Variants in TTC27 observed in about 807,000 individuals in gnomAD.
TTC27 encodes tetratricopeptide repeat domain 27.
A neutral mutation model predicts 115.9 loss-of-function variants in TTC27; 79 were observed. That is an observed-to-expected ratio of 0.68 (90% CI 0.57 to 0.82). The LOEUF (loss-of-function observed/expected upper bound fraction) is 0.82. TTC27 is among the 40% of genes least tolerant of loss of function. TTC27 has a pLI of 0.00. For missense variants in TTC27, 1,054 were observed against 993.1 expected, an observed-to-expected ratio of 1.06 and a Z score of -0.82; for synonymous variants, 401 against 356.0, an observed-to-expected ratio of 1.13 and a Z score of -1.42.
intron 10 of TTC27, among the ~76,000 whole-genome samples, chr2:32,708,181 C>T (rs1331958643): frequency 6.6e-6 from 1 of 151,954 alleles, no homozygotes; most frequent in Non-Finnish European, 1.5e-5. Flanking sequence ...TGCTTCTCCT[C>T]CTCAGCCTAC....
intron 13 of TTC27, among the ~76,000 whole-genome samples, chr2:32,771,874 C>T (rs113117598): frequency 2.0e-5 from 3 of 152,246 alleles, no homozygotes; most frequent in African/African-American, 7.2e-5. Flanking sequence ...GGCAGGGGTA[C>T]AGAAAGAGTG....
At chr2:32,701,263 T>C (rs1468495488) in intron 9 of TTC27, among the ~76,000 whole-genome samples, 1 of 152,242 alleles carries the variant, frequency 6.6e-6, no homozygotes, top group Non-Finnish European at 1.5e-5. Context: ...CATGTATTCT[T>C]GATGTACTCC....
intron 13 of TTC27, among the ~76,000 whole-genome samples, chr2:32,761,517 G>A (rs1019611275): frequency 3.3e-5 from 5 of 151,840 alleles, no homozygotes; most frequent in South Asian, 2.1e-4. Flanking sequence ...TCTAGCTCCC[G>A]GCACTTCTTC....
intron 9 of TTC27, among the ~76,000 whole-genome samples, chr2:32,695,676 G>A (rs887479290): frequency 4.4e-5 from 6 of 137,876 alleles, no homozygotes; most frequent in Admixed American, 1.6e-4. Context: ...CTGAGATCGC[G>A]CCACCACACT....
chr2:32,729,414 G>A (rs1021375830), intron 10 of TTC27, among the ~76,000 whole-genome samples: 15 of 152,112 alleles, frequency 9.9e-5, no homozygotes, highest in African/African-American at 3.4e-4. Flanking sequence ...GCTTTCTTGG[G>A]TTTTATTCCC....
At chr2:32,737,245 C>A (rs4141652) in intron 12 of TTC27, among the ~76,000 whole-genome samples, 1 of 151,980 alleles carries the variant, frequency 6.6e-6, no homozygotes, top group African/African-American at 2.4e-5. Context: ...GAAGAGTTGT[C>A]AAGTGTGTAA....
intron 13 of TTC27, among the ~76,000 whole-genome samples, chr2:32,764,055 C>A (rs985726564): frequency 2.0e-5 from 3 of 152,168 alleles, no homozygotes; most frequent in Non-Finnish European, 2.9e-5. Context: ...GTACGTTTAG[C>A]ACTGAAAAAG....
intron 7 of TTC27, among the ~76,000 whole-genome samples, chr2:32,670,482 T>G (rs758899141): frequency 3.9e-5 from 6 of 152,192 alleles, no homozygotes; most frequent in Admixed American, 2.0e-4. Flanking sequence ...GCTTAATGGT[T>G]TCAAGATTCA....
chr2:32,664,838 T>TC (rs1665708026), intron 6 of TTC27, among the ~76,000 whole-genome samples: 1 of 150,052 alleles, frequency 6.7e-6, no homozygotes, highest in Admixed American at 6.6e-5. Flanking sequence ...CATCTTGCTT[T>TC]TTTTTTTTTT....
chr2:32,686,863 G>T (rs1291961676), intron 9 of TTC27, among the ~76,000 whole-genome samples: 3 of 152,074 alleles, frequency 2.0e-5, no homozygotes. Context: ...GTGTGTGTGT[G>T]AGATGGAGTC....
At chr2:32,820,147 C>G (rs1013111422) in intron 19 of TTC27, among the ~76,000 whole-genome samples, 1 of 152,196 alleles carries the variant, frequency 6.6e-6, no homozygotes, top group East Asian at 1.9e-4. Flanking sequence ...CATGTACACA[C>G]GTGCACATGT....
chr2:32,678,595 T>G (rs1396246331), intron 8 of TTC27, among the ~76,000 whole-genome samples: 1 of 151,866 alleles, frequency 6.6e-6, no homozygotes, highest in Non-Finnish European at 1.5e-5. Context: ...GGCAGGCTAA[T>G]TTTTTGTATT....
intron 12 of TTC27, among the ~76,000 whole-genome samples, chr2:32,753,766 A>G (rs1337234740): frequency 1.3e-5 from 2 of 152,176 alleles, no homozygotes; most frequent in East Asian, 3.9e-4. Flanking sequence ...TAACATTCAC[A>G]TAGAACTAGT....
chr2:32,805,468 G>T (rs1039640305), intron 16 of TTC27, among the ~76,000 whole-genome samples: 1 of 152,138 alleles, frequency 6.6e-6, no homozygotes, highest in African/African-American at 2.4e-5. Flanking sequence ...TGTAAAGTAG[G>T]GGTAATAAAG....
chr2:32,672,576 A>G (rs1170449665), intron 8 of TTC27, among the ~76,000 whole-genome samples, 192 bp downstream of exon 8: 1 of 152,250 alleles, frequency 6.6e-6, no homozygotes, highest in Non-Finnish European at 1.5e-5. Context: ...ATGAGTTGAT[A>G]TATCTATTCT....
chr2:32,797,766 C>A (rs1400010771), intron 16 of TTC27, among the ~76,000 whole-genome samples: 1 of 152,142 alleles, frequency 6.6e-6, no homozygotes, highest in African/African-American at 2.4e-5. Context: ...ACAAATTGGA[C>A]TTTGTGAAAA....
Position 32,817,539 on chromosome 2 carries a change from C to T in TTC27, c.2391C>T (p.Gly797=). Residue 797 remains glycine (G), a synonymous_variant, in exon 19 of 20, where the codon GGC becomes GGT. Coordinates refer to ENST00000317907, the MANE Select transcript of TTC27 (RefSeq NM_017735.5). ...CTTCTGTTCGACTCAATTTACGGGG[C>T]TTGTTATCTAAAGCAAAGGTGAGAG... The part of the protein sequence containing the change: ...MLSSVRLNLR[G]LLSKAKQLFT... 1 of 1,613,780 alleles carries T rather than the reference C, an allele frequency of 6.2e-7. No individual in the cohort carries two copies. Among genetic ancestry groups the T allele is most frequent in the Non-Finnish European group, 8.5e-7 (1 of 1,179,784 alleles).
chr2:32,702,686 G>C (rs1251757814), intron 9 of TTC27, 121 bp from the exon 10 acceptor site: 1 of 644,130 alleles, frequency 1.6e-6, no homozygotes, highest in African/African-American at 1.9e-5. Context: ...TAACTGGGAA[G>C]ATTTTCAAAT....
intron 12 of TTC27, among the ~76,000 whole-genome samples, chr2:32,749,690 C>G (rs760847836): frequency 3.9e-5 from 6 of 152,282 alleles, no homozygotes; most frequent in Non-Finnish European, 5.9e-5. Context: ...GAATCAAGTT[C>G]CTGCTTTTTA....
Sources: gnomAD v4.1 joint callset for allele counts (sites outside exome capture counted in the v4.1 genomes callset) on GRCh38, gnomAD v4.1.1 for gene constraint, MANE v1.5 for transcripts, NCBI Gene and HGNC (gene_info 2026-07-23, HGNC 2026-07-21) for gene names.